The following MTMR7 variants were observed in gnomAD, a reference collection of about 807,000 sequenced individuals.
MTMR7 encodes phosphatidylinositol-3-phosphate phosphatase MTMR7.
MTMR7 carries 76 observed loss-of-function variants against 81.2 expected under a neutral mutation model. The ratio of observed to expected loss-of-function variants is 0.94; its 90% CI spans 0.78 to 1.13. The LOEUF (loss-of-function observed/expected upper bound fraction) is 1.13, where lower values mean the gene tolerates loss of function less well. Among genes scored for constraint, MTMR7 ranks in the 50% most tolerant of loss-of-function variants. MTMR7 has a pLI of 0.00. For missense variants in MTMR7, 1,044 were observed against 820.0 expected (o/e 1.27, Z -3.34); for synonymous variants, 372 against 289.8 (o/e 1.28, Z -2.88).
chr8:17,394,658 T>G (rs970234749), intron 1 of MTMR7, among the ~76,000 whole-genome samples: 1 of 152,220 alleles, frequency 6.6e-6, no homozygotes, highest in African/African-American at 2.4e-5. Context: ...ACTACTTAAA[T>G]GTATACTTTT....
chr8:17,364,205 A>AT (rs1053738681), intron 3 of MTMR7, among the ~76,000 whole-genome samples: 65 of 148,588 alleles, frequency 4.4e-4, no homozygotes, highest in Middle Eastern at 3.5e-3. Context: ...AATTTTTTGC[A>AT]TTTTTTTTTA....
At chr8:17,343,365 G>T (rs1383219853) in intron 5 of MTMR7, among the ~76,000 whole-genome samples, 1 of 152,082 alleles carries the variant, frequency 6.6e-6, no homozygotes, top group Admixed American at 6.5e-5. Context: ...GACAGGCAGA[G>T]TTTGCAGTGC....
chr8:17,404,315 G>A lies in MTMR7; in HGVS notation c.24+8954C>T, dbSNP rs79876075. Among the ~76,000 whole-genome samples, 857 of 151,986 alleles carry A rather than the reference G, an allele frequency of 5.6e-3. 10 individuals carry two copies. Among genetic ancestry groups the A allele is most frequent in the African/African-American group, 0.02 (816 of 41,540 alleles). Reference sequence around the variant, plus strand: ...AAGTTATTGGCTCCAGCACTGGAACGGTGGATCGCCGAGATTGGAAAGAGT... The same window carrying A: ...AAGTTATTGGCTCCAGCACTGGAACAGTGGATCGCCGAGATTGGAAAGAGT... On this transcript the variant is annotated intron_variant, in intron 1 of 13. Transcript: ENST00000180173.
chr8:17,363,956 AC>A, intron 3 of MTMR7, among the ~76,000 whole-genome samples: 2 of 145,432 alleles, frequency 1.4e-5, no homozygotes, highest in Non-Finnish European at 3.0e-5. Flanking sequence ...TTGCTTACAG[AC>A]TTTTTAATAA....
At chr8:17,398,011 C>T (rs530766895) in intron 1 of MTMR7, among the ~76,000 whole-genome samples, 8 of 152,242 alleles carry the variant, frequency 5.3e-5, no homozygotes, top group Admixed American at 4.6e-4. Flanking sequence ...GGGGTTTCTG[C>T]AGGCCACCAC....
At chr8:17,383,592 A>G (rs1820830097) in intron 1 of MTMR7, among the ~76,000 whole-genome samples, 1 of 152,242 alleles carries the variant, frequency 6.6e-6, no homozygotes. Flanking sequence ...AAGGAAAAAC[A>G]TCCTGGCTCA....
chr8:17,310,805 G>C (rs1419513615), intron 9 of MTMR7, among the ~76,000 whole-genome samples: 1 of 152,164 alleles, frequency 6.6e-6, no homozygotes, highest in East Asian at 1.9e-4. Flanking sequence ...GTGTAGCACG[G>C]ATTCATGATT....
chr8:17,309,439 G>C, intron 9 of MTMR7, 113 bp from the exon 10 acceptor site: 3 of 743,048 alleles, frequency 4.0e-6, no homozygotes, highest in Non-Finnish European at 7.1e-6. Context: ...CCATCCTCGA[G>C]TAACCTGCAA....
chr8:17,349,784 C>T (rs185710405), intron 4 of MTMR7, among the ~76,000 whole-genome samples: 25 of 152,280 alleles, frequency 1.6e-4, no homozygotes, highest in South Asian at 6.2e-4. Context: ...ACTCTTTCTA[C>T]GCATTCCTGA....
intron 9 of MTMR7, 31 bp from the exon 10 acceptor site, chr8:17,309,357 G>A (rs62498845): frequency 0.27 from 391,335 of 1,462,212 alleles, 57,592 homozygotes; most frequent in Non-Finnish European, 0.31. Context: ...ATATCTTGGA[G>A]AGAAGCAAAC....
At position 17,407,161 on chromosome 8, in the gene MTMR7, C is replaced by A. The variant is rs557888752; in HGVS notation, c.24+6108G>T. On this transcript the variant is annotated intron_variant, in intron 1 of 13. Coordinates refer to ENST00000180173, the MANE Select transcript of MTMR7 (RefSeq NM_004686.5). ...TATTGAAATACACACACTATACACACACACTAAATCACCCATTATTAAAAT... is the reference window on the plus strand; with the variant it reads ...TATTGAAATACACACACTATACACAAACACTAAATCACCCATTATTAAAAT... Among the ~76,000 whole-genome samples the A allele has an allele frequency of 9.2e-5, 14 of 152,172 alleles. No homozygotes were observed. In the South Asian group the frequency reaches 2.9e-3, roughly 32 times the overall value.
At chr8:17,366,460 G>T (rs897479244) in intron 3 of MTMR7, among the ~76,000 whole-genome samples, 3 of 152,056 alleles carry the variant, frequency 2.0e-5, no homozygotes, top group African/African-American at 7.3e-5. Context: ...GAATGGGAAG[G>T]GTGGGAAAGG....
chr8:17,314,563 C>G (rs1021733995), intron 7 of MTMR7, among the ~76,000 whole-genome samples: 2 of 152,146 alleles, frequency 1.3e-5, no homozygotes, highest in African/African-American at 4.8e-5. Context: ...TGCCCTGCCT[C>G]CAAGAATGCA....
intron 3 of MTMR7, among the ~76,000 whole-genome samples, chr8:17,369,554 T>C (rs2150563641): frequency 6.6e-6 from 1 of 152,284 alleles, no homozygotes; most frequent in South Asian, 2.1e-4. Flanking sequence ...TAACTACTTC[T>C]GTGTAGCACA....
chr8:17,313,943 G>A (rs190200421), intron 7 of MTMR7, among the ~76,000 whole-genome samples: 130 of 152,276 alleles, frequency 8.5e-4, no homozygotes, highest in South Asian at 4.1e-4. Context: ...AGTAAGGCCT[G>A]TAAGCTTAAA....
chr8:17,324,501 C>T (rs1186884842), intron 7 of MTMR7, among the ~76,000 whole-genome samples: 1 of 152,230 alleles, frequency 6.6e-6, no homozygotes, highest in East Asian at 1.9e-4. Context: ...CTAGCCTCTG[C>T]CTCTGCGCTT....
At chr8:17,323,742 C>G (rs1488876579) in intron 7 of MTMR7, among the ~76,000 whole-genome samples, 1 of 152,122 alleles carries the variant, frequency 6.6e-6, no homozygotes, top group Admixed American at 6.5e-5. Flanking sequence ...CACTGGCAAG[C>G]AAATATCGAA....
chr8:17,336,031 C>T (rs192975432), intron 6 of MTMR7, among the ~76,000 whole-genome samples: 2 of 152,258 alleles, frequency 1.3e-5, no homozygotes, highest in Non-Finnish European at 1.5e-5. Flanking sequence ...TTGGAAAGCT[C>T]GGCAGGGTTC....
At chr8:17,390,578 G>T (rs1821077419) in intron 1 of MTMR7, among the ~76,000 whole-genome samples, 1 of 152,156 alleles carries the variant, frequency 6.6e-6, no homozygotes, top group Non-Finnish European at 1.5e-5. Flanking sequence ...GGGCCAGCAG[G>T]ATACTGTATT....
Sources: allele counts gnomAD v4.1 joint callset (sites outside exome capture counted in the v4.1 genomes callset), GRCh38; gene constraint gnomAD v4.1.1; transcripts MANE v1.5; gene names NCBI Gene and HGNC (gene_info 2026-07-23, HGNC 2026-07-21).